The following PCDH7 variants were observed in gnomAD, a reference collection of about 807,000 sequenced individuals.
The protein encoded by PCDH7 is protocadherin 7.
Under a neutral mutation model 58.9 loss-of-function variants are expected in PCDH7, and 17 were observed. The ratio of observed to expected loss-of-function variants is 0.29; its 90% CI spans 0.20 to 0.43. The LOEUF is 0.43. PCDH7 is among the 20% of genes least tolerant of loss of function. The pLI is 1.00. For synonymous variants in PCDH7, 664 were observed against 616.4 expected (o/e 1.08, Z -1.14); for missense variants, 1,274 against 1,441.0 (o/e 0.88, Z 1.88).
intron 1 of PCDH7, among the ~76,000 whole-genome samples, chr4:30,872,488 C>T (rs1735748674): frequency 6.6e-6 from 1 of 152,012 alleles, no homozygotes; most frequent in Admixed American, 6.6e-5. Context: ...GTATTTTCAG[C>T]CCTGTGCTAG....
chr4:30,894,950 T>G (rs1354709121), intron 1 of PCDH7, among the ~76,000 whole-genome samples: 1 of 151,868 alleles, frequency 6.6e-6, no homozygotes, highest in Non-Finnish European at 1.5e-5. Context: ...TTAGCAAATT[T>G]GTAAGTGCTA....
chr4:31,079,311 T>C (rs1428982041), intron 3 of PCDH7, among the ~76,000 whole-genome samples: 3 of 1,454 alleles, frequency 2.1e-3, no homozygotes, highest in African/African-American at 0.01. Flanking sequence ...TACTGGAAGA[T>C]ATATATATAT....
chr4:30,815,224 T>C (rs1468528646), intron 1 of PCDH7, among the ~76,000 whole-genome samples: 1 of 152,038 alleles, frequency 6.6e-6, no homozygotes, highest in Non-Finnish European at 1.5e-5. Context: ...CTGTTGCTAG[T>C]GGTGAATCCA....
At chr4:30,978,104 T>A (rs1750236275) in intron 3 of PCDH7, among the ~76,000 whole-genome samples, 1 of 152,190 alleles carries the variant, frequency 6.6e-6, no homozygotes, top group Non-Finnish European at 1.5e-5. Context: ...TATGCCCCAA[T>A]TAATAGAGGA....
At chr4:31,121,908 C>T (rs1560244051) in intron 3 of PCDH7, among the ~76,000 whole-genome samples, 2 of 152,090 alleles carry the variant, frequency 1.3e-5, no homozygotes, top group Non-Finnish European at 2.9e-5. Context: ...GGAAAAACTT[C>T]ATGGTGCTTC....
chr4:30,783,373 T>G (rs540595084), intron 1 of PCDH7, among the ~76,000 whole-genome samples: 3 of 152,336 alleles, frequency 2.0e-5, no homozygotes, highest in African/African-American at 7.2e-5. Context: ...CTGCGTTTTA[T>G]GTCATACTTT....
At chr4:30,841,605 A>G (rs1731230908) in intron 1 of PCDH7, among the ~76,000 whole-genome samples, 1 of 152,090 alleles carries the variant, frequency 6.6e-6, no homozygotes, top group Non-Finnish European at 1.5e-5. Flanking sequence ...TTAAGCACAA[A>G]TAGATGGAAA....
intron 1 of PCDH7, among the ~76,000 whole-genome samples, chr4:30,804,062 C>G (rs1216124716): frequency 1.3e-5 from 2 of 152,134 alleles, no homozygotes; most frequent in African/African-American, 4.8e-5. Flanking sequence ...AAGATCTCAC[C>G]TTTTAATACT....
At chr4:31,111,011 G>C (rs998480360) in intron 3 of PCDH7, among the ~76,000 whole-genome samples, 1 of 151,818 alleles carries the variant, frequency 6.6e-6, no homozygotes, top group African/African-American at 2.4e-5. Flanking sequence ...CATGTTTCAA[G>C]TTATTAAATT....
At chr4:31,095,101 A>T (rs1335679451) in intron 3 of PCDH7, among the ~76,000 whole-genome samples, 1 of 150,550 alleles carries the variant, frequency 6.6e-6, no homozygotes, top group East Asian at 2.0e-4. Context: ...TGAATTATAG[A>T]TCTACCAGAC....
chr4:30,933,511 C>T (rs749335922), intron 2 of PCDH7, among the ~76,000 whole-genome samples: 1 of 152,232 alleles, frequency 6.6e-6, no homozygotes, highest in South Asian at 2.1e-4. Context: ...TTTCTCTTGT[C>T]TTTAGGGTCA....
At chr4:30,874,725 A>T (rs1327202712) in intron 1 of PCDH7, among the ~76,000 whole-genome samples, 1 of 151,932 alleles carries the variant, frequency 6.6e-6, no homozygotes, top group African/African-American at 2.4e-5. Context: ...AATTGAAAAA[A>T]AAAAAGATAG....
chr4:30,817,526 T>C (rs1026768523), intron 1 of PCDH7, among the ~76,000 whole-genome samples: 3 of 152,338 alleles, frequency 2.0e-5, no homozygotes, highest in Middle Eastern at 6.8e-3. Context: ...GTGAAATATA[T>C]ACATAAGAAT....
At chr4:30,768,822 C>A (rs1721055698) in intron 1 of PCDH7, among the ~76,000 whole-genome samples, 1 of 152,102 alleles carries the variant, frequency 6.6e-6, no homozygotes, top group African/African-American at 2.4e-5. Context: ...AAAGTAAGGA[C>A]CAACAGATGA....
At chr4:30,967,748 CA>C (rs1749121555) in intron 3 of PCDH7, among the ~76,000 whole-genome samples, 1 of 152,088 alleles carries the variant, frequency 6.6e-6, no homozygotes, top group African/African-American at 2.4e-5. Flanking sequence ...ATACAGGAAT[CA>C]AAGAATTTAA....
At chr4:31,061,903 A>G (rs2109239031) in intron 3 of PCDH7, among the ~76,000 whole-genome samples, 1 of 151,752 alleles carries the variant, frequency 6.6e-6, no homozygotes. Context: ...TTGTTTATTG[A>G]ATTTAGGGTA....
chr4:31,052,613 A>G (rs921886394), intron 3 of PCDH7, among the ~76,000 whole-genome samples: 5 of 152,200 alleles, frequency 3.3e-5, no homozygotes, highest in African/African-American at 4.8e-5. Context: ...ATAAAAATAT[A>G]GTAAGTGACT....
intron 1 of PCDH7, among the ~76,000 whole-genome samples, chr4:30,728,485 T>C (rs1714972181): frequency 6.6e-6 from 1 of 151,776 alleles, no homozygotes; most frequent in Admixed American, 6.6e-5. Flanking sequence ...TAATTTCCGT[T>C]ACATTTGGCC....
Position 30,852,668 on chromosome 4 carries a change from C to T in PCDH7, c.71-67485C>T, listed in dbSNP as rs369959134. On this transcript the variant is annotated intron_variant, in intron 1 of 3. Transcript: ENST00000509759. ...GGACTTTAAAACTTTGCACATGAGC[C>T]TCTTATTTAATAATATTGTGCCCTC... Among the ~76,000 whole-genome samples, 13 of 151,716 alleles carry T rather than the reference C, an allele frequency of 8.6e-5. 1 individual carries two copies. Among genetic ancestry groups the T allele is most frequent in the African/African-American group, 3.1e-4 (13 of 41,374 alleles).
Sources: gnomAD v4.1 joint callset for allele counts (sites outside exome capture counted in the v4.1 genomes callset) on GRCh38, gnomAD v4.1.1 for gene constraint, MANE v1.5 for transcripts, NCBI Gene and HGNC (gene_info 2026-07-23, HGNC 2026-07-21) for gene names.